The following NRXN2 variants were observed in gnomAD, a reference collection of about 807,000 sequenced individuals.
NRXN2 encodes neurexin-2-beta.
NRXN2 carries 29 observed loss-of-function variants against 128.8 expected under a neutral mutation model. That is an observed-to-expected ratio of 0.23 (90% CI 0.17 to 0.31). The LOEUF (loss-of-function observed/expected upper bound fraction) is 0.31, where lower values mean the gene tolerates loss of function less well. Among genes scored for constraint, NRXN2 ranks in the 10% least tolerant of loss-of-function variants. The probability of loss-of-function intolerance (pLI) is 1.00; values close to 1 mark genes in which losing one functional copy is unlikely to be tolerated. For missense variants in NRXN2, 1,881 were observed against 2,452.6 expected (o/e 0.77, Z 4.92); for synonymous variants, 1,098 against 1,075.2 (o/e 1.02, Z -0.41).
intron 2 of NRXN2, among the ~76,000 whole-genome samples, chr11:64,707,488 G>A (rs2056462847): frequency 6.6e-6 from 1 of 152,068 alleles, no homozygotes; most frequent in South Asian, 2.1e-4. Flanking sequence ...CAGAGCCACA[G>A]AAGTCTGTGG....
intron 1 of NRXN2, among the ~76,000 whole-genome samples, chr11:64,716,107 C>T (rs1348359492): frequency 2.0e-5 from 3 of 152,222 alleles, no homozygotes; most frequent in African/African-American, 7.2e-5. Flanking sequence ...CTGCTAGGGT[C>T]TCCATCTCAG....
rs1238216136 is a variant in NRXN2 at position 64,660,430 on chromosome 11, C to T, written c.2291G>A (p.Arg764Gln). The change falls in exon 11 of 23, where the codon CGG becomes CAG. Residue 764 changes from arginine (R) to glutamine (Q), a missense_variant. Physicochemically the swap from Arg to Gln is conservative, Grantham distance 43. This residue lies in a region of NRXN2 where 997 missense variants were observed against 1,240.8 expected (regional missense o/e 0.80). Coordinates refer to ENST00000265459, the MANE Select transcript of NRXN2 (RefSeq NM_015080.4). This position sits in a 1 kb window ranked among gnomAD's most constrained non-coding sequence, Gnocchi z 5.2. The part of the protein sequence containing the change: ...EDVSLRFMSQ[R>Q]AYGLMMATTS... ...GGTGGCCATCATGAGTCCGTAGGCCCGCTGGGACATGAAACGCAGGGACAC... is the reference window on the plus strand; with the variant it reads ...GGTGGCCATCATGAGTCCGTAGGCCTGCTGGGACATGAAACGCAGGGACAC... 10 of 1,614,028 alleles carry T rather than the reference C, an allele frequency of 6.2e-6. No individual in the cohort carries two copies. Among genetic ancestry groups the T allele is most frequent in the East Asian group, 2.2e-5 (1 of 44,882 alleles).
intron 11 of NRXN2, among the ~76,000 whole-genome samples, chr11:64,658,747 C>G (rs1487112798): frequency 6.6e-6 from 1 of 152,254 alleles, no homozygotes; most frequent in African/African-American, 2.4e-5. Context: ...CAAAGTTCAG[C>G]CAGGCACAGT....
Position 64,713,101 on chromosome 11 carries a change from G to A in NRXN2, c.599C>T (p.Ala200Val). ...GGGCGCGCACAGCGGGTCGGCGGTG[G>A]CGCCGCGCAGGCCCTGGCTGCCCAG... is the stretch of plus-strand genomic sequence containing the variant. ...ALLGSQGLRGATADPLCAPAR... is the reference protein window; with the variant it reads ...ALLGSQGLRGVTADPLCAPAR... Residue 200 changes from alanine to valine, a missense_variant, in exon 2 of 23, where the codon GCC becomes GTC. Physicochemically the swap from Ala to Val is moderately conservative, Grantham distance 64 (BLOSUM62 0). This residue lies in a region of NRXN2 where 997 missense variants were observed against 1,240.8 expected (regional missense o/e 0.80). Coordinates refer to ENST00000265459, the MANE Select transcript of NRXN2 (RefSeq NM_015080.4). 2 of 1,333,468 alleles carry A rather than the reference G, an allele frequency of 1.5e-6. No homozygotes were observed. Among genetic ancestry groups the A allele is most frequent in the Non-Finnish European group, 9.5e-7 (1 of 1,049,240 alleles). 82.6% of individuals were successfully genotyped at this position (1,333,468 alleles called of 1,614,324 possible). A position where few individuals can be genotyped will look rare whatever the true frequency, so the allele number is the denominator to read the frequency against.
chr11:64,614,972 C>G (rs916088433), intron 22 of NRXN2, among the ~76,000 whole-genome samples: 7 of 152,162 alleles, frequency 4.6e-5, no homozygotes, highest in Non-Finnish European at 8.8e-5. Context: ...AAGAGTGAAA[C>G]GGATCCTTGA....
intron 2 of NRXN2, among the ~76,000 whole-genome samples, chr11:64,699,357 C>T: frequency 6.6e-6 from 1 of 151,898 alleles, no homozygotes; most frequent in East Asian, 1.9e-4. Flanking sequence ...CAAACACACT[C>T]CTCTACAACA....
chr11:64,674,587 A>G (rs1565377379), intron 7 of NRXN2, among the ~76,000 whole-genome samples: 1 of 152,008 alleles, frequency 6.6e-6, no homozygotes, highest in Non-Finnish European at 1.5e-5. Context: ...CAAGTCATTC[A>G]TTTTTCTTCC....
At position 64,607,584 on chromosome 11, in the gene NRXN2, G is replaced by A; in HGVS notation, c.4751C>T (p.Ala1584Val). ...LLENPPLGPG[A>V]PTSFEPRRPP... Reference sequence around the variant, plus strand: ...CCTCCGCGGCTCAAAGGACGTGGGGGCCCCGGGCCCCAAGGGCGGGTTCTC... The same window carrying A: ...CCTCCGCGGCTCAAAGGACGTGGGGACCCCGGGCCCCAAGGGCGGGTTCTC... Residue 1584 changes from alanine (A) to valine (V), a missense_variant, in exon 23 of 23, where the codon GCC (alanine) becomes GTC (valine). Ala to Val is a moderately conservative substitution (Grantham distance 64). Coordinates refer to ENST00000265459, the MANE Select transcript of NRXN2 (RefSeq NM_015080.4). 6.5e-7 allele frequency: 1 copy of A among 1,532,942 alleles called. No individual in the cohort carries two copies. Among genetic ancestry groups the A allele is most frequent in the Non-Finnish European group, 8.7e-7 (1 of 1,143,556 alleles). 95.0% of individuals were successfully genotyped at this position (1,532,942 alleles called of 1,614,324 possible). A position where few individuals can be genotyped will look rare whatever the true frequency, so the allele number is the denominator to read the frequency against.
At chr11:64,699,425 C>CTTTTTTTTTTTTTT (rs67776872) in intron 2 of NRXN2, among the ~76,000 whole-genome samples, 6 of 92,126 alleles carry the variant, frequency 6.5e-5, no homozygotes, top group Admixed American at 1.6e-4. Flanking sequence ...TAATAGTTTT[C>CTTTTTTTTTTTTTT]TTTTTTTTTT....
intron 15 of NRXN2, 106 bp downstream of exon 15, chr11:64,650,342 G>C: frequency 1.7e-6 from 2 of 1,143,574 alleles, no homozygotes; most frequent in Non-Finnish European, 2.6e-6. Context: ...GGTGGAAACT[G>C]GGGGCAGGGA....
In NRXN2 at chr11:64,630,372, G is replaced by T. The variant is rs1308172529; in HGVS notation, c.3757+30C>A. 2.9e-6 allele frequency: 4 copies of T among 1,377,160 alleles called. No homozygotes were observed. Among genetic ancestry groups the T allele is most frequent in the Middle Eastern group, 2.8e-4 (1 of 3,618 alleles). The allele number at this position is 1,377,160 out of a possible 1,614,324, so 85.3% of individuals were successfully genotyped here. A position where few individuals can be genotyped will look rare whatever the true frequency, so the allele number is the denominator to read the frequency against. Reference sequence around the variant, plus strand: ...AGAGGCCGCCACCCGCCCCGCCACCGCGCCTCCTCCGCGGGCCCGCGCCGC... The same window carrying T: ...AGAGGCCGCCACCCGCCCCGCCACCTCGCCTCCTCCGCGGGCCCGCGCCGC... On this transcript the variant is annotated intron_variant, in intron 19 of 22. Coordinates refer to ENST00000265459, the MANE Select transcript of NRXN2 (RefSeq NM_015080.4). This position sits in a 1 kb window ranked among gnomAD's most constrained non-coding sequence, Gnocchi z 4.6.
Position 64,623,221 on chromosome 11 carries a change from G to A in NRXN2, c.3848-143C>T, listed in dbSNP as rs1265141509. 33 of 1,341,978 alleles carry A rather than the reference G, an allele frequency of 2.5e-5. No individual in the cohort carries two copies. The highest frequency in any genetic ancestry group is 2.9e-5 in the Non-Finnish European group (29 of 1,008,524). The allele number at this position is 1,341,978 out of a possible 1,614,324, so 83.1% of individuals were successfully genotyped here. A position where few individuals can be genotyped will look rare whatever the true frequency, so the allele number is the denominator to read the frequency against. ...AAGGGAGGAGGGGACGGGGAGAAAT[G>A]AGGAAGGGGCAGAAAGCCAAAGGGA... On this transcript the variant is annotated intron_variant, in intron 20 of 22. Coordinates refer to ENST00000265459, the MANE Select transcript of NRXN2 (RefSeq NM_015080.4). The surrounding 1 kb of genome is among the most constrained non-coding windows in gnomAD (Gnocchi z 4.9).
At chr11:64,676,240 T>C (rs1352163325) in intron 7 of NRXN2, 2 of 152,574 alleles carry the variant, frequency 1.3e-5, no homozygotes, top group Non-Finnish European at 2.9e-5. Flanking sequence ...GAAAAGACCA[T>C]TCATGCCATG....
At chr11:64,685,332 C>T (rs2052876269) in intron 6 of NRXN2, among the ~76,000 whole-genome samples, 1 of 152,140 alleles carries the variant, frequency 6.6e-6, no homozygotes, top group African/African-American at 2.4e-5. Flanking sequence ...TGCTAAATCA[C>T]CTGATTTCTT....
Position 64,651,735 on chromosome 11 carries a change from A to G in NRXN2, c.2537-99T>C. 2 of 1,353,726 alleles carry G rather than the reference A, an allele frequency of 1.5e-6. No individual in the cohort carries two copies. Among genetic ancestry groups the G allele is most frequent in the South Asian group, 2.4e-5 (2 of 81,942 alleles). 83.9% of individuals were successfully genotyped at this position (1,353,726 alleles called of 1,614,324 possible). A position where few individuals can be genotyped will look rare whatever the true frequency, so the allele number is the denominator to read the frequency against. Reference sequence around the variant, plus strand: ...CCCCTCCACAGGAGGGCCACCCATGAGTGACATCTTTAGAGATGTCCTCGG... The same window carrying G: ...CCCCTCCACAGGAGGGCCACCCATGGGTGACATCTTTAGAGATGTCCTCGG... On this transcript the variant is annotated intron_variant, in intron 13 of 22. Transcript: ENST00000265459. This position sits in a 1 kb window ranked among gnomAD's most constrained non-coding sequence, Gnocchi z 5.9.
chr11:64,623,339 C>T lies in NRXN2; in HGVS notation c.3848-261G>A, dbSNP rs2042646356. On this transcript the variant is annotated intron_variant, in intron 20 of 22. Transcript: ENST00000265459. This position sits in a 1 kb window ranked among gnomAD's most constrained non-coding sequence, Gnocchi z 4.9. ...TACACATGGGCTGGGGAAGGGGAGC[C>T]CAGTCCCTCCTCCCCACCATGTGCA... 4 of 566,814 alleles carry T rather than the reference C, an allele frequency of 7.1e-6. No homozygotes were observed. The highest frequency in any genetic ancestry group is 3.1e-6 in the Non-Finnish European group (1 of 319,744). 35.1% of individuals were successfully genotyped at this position (566,814 alleles called of 1,614,324 possible).
intron 2 of NRXN2, among the ~76,000 whole-genome samples, chr11:64,711,291 C>A (rs751274821): frequency 2.0e-5 from 3 of 152,248 alleles, no homozygotes; most frequent in South Asian, 2.1e-4. Flanking sequence ...CACACACAAC[C>A]GCTGAGTGGC....
Position 64,667,093 on chromosome 11 carries a change from G to A in NRXN2, c.1798+157C>T, listed in dbSNP as rs185467251. Among the ~76,000 whole-genome samples, 108 of 152,260 alleles carry A rather than the reference G, an allele frequency of 7.1e-4. No individual in the cohort carries two copies. The highest frequency in any genetic ancestry group is 2.6e-3 in the African/African-American group (106 of 41,546). On this transcript the variant is annotated intron_variant, in intron 9 of 22. Coordinates refer to ENST00000265459, the MANE Select transcript of NRXN2 (RefSeq NM_015080.4). The surrounding 1 kb of genome is among the most constrained non-coding windows in gnomAD (Gnocchi z 5.6). ...TTCTGCCAATGTCCGATGACAGAAA[G>A]GACAATTGGGAAGACGTGAGGGGGG...
chr11:64,713,648 G>T lies in NRXN2; in HGVS notation c.52C>A (p.Leu18Met). 8.2e-7 allele frequency: 1 copy of T among 1,224,584 alleles called. No individual in the cohort carries two copies. 75.9% of individuals were successfully genotyped at this position (1,224,584 alleles called of 1,614,324 possible). ...RPTPPPLLLL[L>M]LLALAARADG... Reference sequence around the variant, plus strand: ...GCGCGCGCCGCCAGCGCCAGCAGCAGCAGCAACAGCAGCGGCGGCGGTGTC... The same window carrying T: ...GCGCGCGCCGCCAGCGCCAGCAGCATCAGCAACAGCAGCGGCGGCGGTGTC... The change falls in exon 2 of 23, where the codon CTG (leucine) becomes ATG (methionine). Residue 18 changes from leucine (L) to methionine (M), a missense_variant. Leu to Met is a conservative substitution (Grantham distance 15, BLOSUM62 2). Coordinates refer to ENST00000265459, the MANE Select transcript of NRXN2 (RefSeq NM_015080.4).
Sources: allele counts gnomAD v4.1 joint callset (sites outside exome capture counted in the v4.1 genomes callset), GRCh38; gene constraint gnomAD v4.1.1; regional missense constraint gnomAD v4.1.1; non-coding constraint Gnocchi (gnomAD v3.1); transcripts MANE v1.5; gene names NCBI Gene and HGNC (gene_info 2026-07-23, HGNC 2026-07-21).